The following PARD3B variants were observed in gnomAD, a reference collection of about 807,000 sequenced individuals.
PARD3B encodes the protein par-3 family cell polarity regulator beta.
Under a neutral mutation model 130.2 loss-of-function variants are expected in PARD3B, and 103 were observed. That is an observed-to-expected ratio of 0.79 (90% CI 0.67 to 0.93). The LOEUF is 0.93. Ranked by LOEUF, PARD3B falls within the 40% of genes least tolerant of loss-of-function variation. PARD3B has a pLI of 0.00. For synonymous variants in PARD3B, 583 were observed against 553.2 expected (o/e 1.05, Z -0.76); for missense variants, 1,609 against 1,499.2 (o/e 1.07, Z -1.21).
intron 3 of PARD3B, among the ~76,000 whole-genome samples, chr2:205,001,193 T>C (rs897136502): frequency 2.6e-5 from 4 of 152,144 alleles, no homozygotes; most frequent in Non-Finnish European, 5.9e-5. Context: ...TTCACCATGT[T>C]GGCCAGGCTG....
intron 4 of PARD3B, among the ~76,000 whole-genome samples, chr2:205,074,309 A>G (rs993692061): frequency 6.6e-6 from 1 of 152,194 alleles, no homozygotes; most frequent in Non-Finnish European, 1.5e-5. Context: ...GCTAAGAATT[A>G]TATATCTTAT....
chr2:205,542,233 A>C (rs1351192415), intron 21 of PARD3B, among the ~76,000 whole-genome samples: 1 of 151,534 alleles, frequency 6.6e-6, no homozygotes, highest in Non-Finnish European at 1.5e-5. Context: ...GAGCATGCAT[A>C]AGAAGGACAA....
chr2:205,004,695 G>A (rs965258407), intron 3 of PARD3B, among the ~76,000 whole-genome samples: 1 of 151,992 alleles, frequency 6.6e-6, no homozygotes, highest in Non-Finnish European at 1.5e-5. Context: ...AGATACATGG[G>A]GCAAATAAAT....
At position 204,920,017 on chromosome 2, in the gene PARD3B, C is replaced by G. The variant is rs144776784; in HGVS notation, c.223-45135C>G. On this transcript the variant is annotated intron_variant, in intron 2 of 22. Coordinates refer to ENST00000406610, the MANE Select transcript of PARD3B (RefSeq NM_001302769.2). ...TTTACATCTTATTTATTCCTATAGT[C>G]ATGTTAATTTGGAGACAATAGAAAA... is the stretch of plus-strand genomic sequence containing the variant. Among the ~76,000 whole-genome samples, 287 of 151,948 alleles carry G rather than the reference C, an allele frequency of 1.9e-3. 1 individual carries two copies. The highest frequency in any genetic ancestry group is 6.4e-3 in the African/African-American group (266 of 41,414).
intron 21 of PARD3B, among the ~76,000 whole-genome samples, chr2:205,516,912 G>A (rs1015678276): frequency 1.2e-4 from 18 of 152,072 alleles, no homozygotes; most frequent in Admixed American, 3.3e-4. Flanking sequence ...TGTCATAGAT[G>A]GCTCTTATTA....
intron 1 of PARD3B, among the ~76,000 whole-genome samples, chr2:204,650,303 T>A (rs2125167441): frequency 6.6e-6 from 1 of 152,308 alleles, no homozygotes; most frequent in East Asian, 1.9e-4. Flanking sequence ...TTGGTGGGAC[T>A]GTAAACTGGT....
At chr2:204,576,295 C>T (rs2032255192) in intron 1 of PARD3B, among the ~76,000 whole-genome samples, 1 of 152,168 alleles carries the variant, frequency 6.6e-6, no homozygotes, top group Non-Finnish European at 1.5e-5. Flanking sequence ...CCTTGCTACA[C>T]TAGAAGTTTG....
At chr2:205,067,338 T>G (rs1294172179) in intron 4 of PARD3B, among the ~76,000 whole-genome samples, 3 of 151,836 alleles carry the variant, frequency 2.0e-5, no homozygotes, top group African/African-American at 7.3e-5. Flanking sequence ...TTAAAAAAAT[T>G]TTTTTGTAGA....
In PARD3B at chr2:205,301,444, A is replaced by C; in HGVS notation, c.2393-20A>C. 6.3e-7 allele frequency: 1 copy of C among 1,587,614 alleles called. No individual in the cohort carries two copies. The highest frequency in any genetic ancestry group is 1.2e-5 in the South Asian group (1 of 86,658). On this transcript the variant is annotated intron_variant, in intron 17 of 22. Transcript: ENST00000406610. The surrounding 1 kb of genome is among the most constrained non-coding windows in gnomAD (Gnocchi z 5.2). ...AGTGTGCCCCTGACCATGGGTATTG[A>C]TTATTTTTTCTCTGTACAGACGGTC...
chr2:204,936,987 A>T (rs1482825000), intron 2 of PARD3B, among the ~76,000 whole-genome samples: 2 of 152,264 alleles, frequency 1.3e-5, no homozygotes, highest in Non-Finnish European at 1.5e-5. Context: ...ATGTGAAAAC[A>T]GTTAAAGGTA....
At chr2:205,174,148 C>A (rs2035333928) in intron 12 of PARD3B, among the ~76,000 whole-genome samples, 1 of 152,166 alleles carries the variant, frequency 6.6e-6, no homozygotes, top group Non-Finnish European at 1.5e-5. Context: ...TATTTGCATT[C>A]CCCTTTACTG....
chr2:205,071,882 A>G (rs958271485), intron 4 of PARD3B, among the ~76,000 whole-genome samples: 6 of 152,202 alleles, frequency 3.9e-5, no homozygotes, highest in Non-Finnish European at 8.8e-5. Context: ...TTTATCTTAA[A>G]AAAAACAAAA....
chr2:204,761,175 G>A (rs1398627340), intron 2 of PARD3B, among the ~76,000 whole-genome samples: 1 of 152,146 alleles, frequency 6.6e-6, no homozygotes, highest in East Asian at 1.9e-4. Context: ...TCATTGTATG[G>A]CCAAGGATGA....
chr2:204,560,163 T>A (rs2031217589), intron 1 of PARD3B, among the ~76,000 whole-genome samples: 1 of 152,178 alleles, frequency 6.6e-6, no homozygotes, highest in Admixed American at 6.5e-5. Context: ...GTTGTGCACA[T>A]GTACCCTAGA....
intron 3 of PARD3B, among the ~76,000 whole-genome samples, chr2:205,028,704 G>T (rs1165126862): frequency 6.6e-6 from 1 of 152,038 alleles, no homozygotes. Context: ...AAAAACAAAA[G>T]ACATCCGAAT....
At chr2:205,581,408 AGT>A (rs1328219928) in intron 22 of PARD3B, among the ~76,000 whole-genome samples, 8 of 130,114 alleles carry the variant, frequency 6.1e-5, no homozygotes, top group East Asian at 2.0e-4. Context: ...TATATATATA[AGT>A]ATATATAAAT....
chr2:205,147,331 G>A (rs1370481266), intron 10 of PARD3B, among the ~76,000 whole-genome samples: 1 of 152,028 alleles, frequency 6.6e-6, no homozygotes, highest in African/African-American at 2.4e-5. Flanking sequence ...ACTATATTCG[G>A]GGGAGAGGGT....
chr2:205,253,399 G>A lies in PARD3B; in HGVS notation c.2185+7577G>A, dbSNP rs996190603. 16 of 568,338 alleles carry A rather than the reference G, an allele frequency of 2.8e-5. No individual in the cohort carries two copies. Among genetic ancestry groups the A allele is most frequent in the South Asian group, 1.2e-4 (9 of 72,616 alleles). The allele number at this position is 568,338 out of a possible 1,614,324, so 35.2% of individuals were successfully genotyped here. On this transcript the variant is annotated intron_variant, in intron 16 of 22. Coordinates refer to ENST00000406610, the MANE Select transcript of PARD3B (RefSeq NM_001302769.2). This position sits in a 1 kb window ranked among gnomAD's most constrained non-coding sequence, Gnocchi z 4.4. ...AGTGCTGACACACCCATGGCCATAC[G>A]TTTGGTCTTCTTGGCCTTGGCTGGG...
chr2:204,549,261 G>C (rs2125040301), intron 1 of PARD3B, among the ~76,000 whole-genome samples: 1 of 152,308 alleles, frequency 6.6e-6, no homozygotes, highest in East Asian at 1.9e-4. Context: ...ACTGAGAGGT[G>C]AGAACTGTGG....
Sources: gnomAD v4.1 joint callset for allele counts (sites outside exome capture counted in the v4.1 genomes callset) on GRCh38, gnomAD v4.1.1 for gene constraint, Gnocchi (gnomAD v3.1) non-coding constraint, MANE v1.5 for transcripts, NCBI Gene and HGNC (gene_info 2026-07-23, HGNC 2026-07-21) for gene names.